BMPER: variants seen among roughly 807,000 people sequenced by gnomAD.
The protein encoded by BMPER is BMP binding endothelial regulator, also known as BMP-binding endothelial regulator protein.
Under a neutral mutation model 87.3 loss-of-function variants are expected in BMPER, and 45 were observed. That is an observed-to-expected ratio of 0.52 (90% CI 0.41 to 0.66). The LOEUF is 0.66. Among genes scored for constraint, BMPER ranks in the 30% least tolerant of loss-of-function variants. The pLI, the probability that BMPER is intolerant of heterozygous loss-of-function variation, is 0.00. For synonymous variants in BMPER, 326 were observed against 316.2 expected (o/e 1.03, Z -0.33); for missense variants, 784 against 867.5 (o/e 0.90, Z 1.21).
chr7:34,047,974 A>G (rs1446717019), intron 7 of BMPER, among the ~76,000 whole-genome samples: 1 of 151,740 alleles, frequency 6.6e-6, no homozygotes, highest in Non-Finnish European at 1.5e-5. Flanking sequence ...ATATTGAACA[A>G]AATAAAATGG....
At chr7:33,955,555 G>A (rs1378670982) in intron 3 of BMPER, among the ~76,000 whole-genome samples, 1 of 152,144 alleles carries the variant, frequency 6.6e-6, no homozygotes, top group Non-Finnish European at 1.5e-5. Context: ...GTGGAAAAAC[G>A]CTTCCCAAAA....
intron 13 of BMPER, among the ~76,000 whole-genome samples, chr7:34,096,993 C>T (rs1014375793): frequency 6.6e-6 from 1 of 152,226 alleles, no homozygotes; most frequent in African/African-American, 2.4e-5. Flanking sequence ...CTCTAGCTCA[C>T]AGAGCTTGCA....
intron 2 of BMPER, among the ~76,000 whole-genome samples, chr7:33,921,246 A>G (rs763697954): frequency 1.3e-5 from 2 of 152,198 alleles, no homozygotes; most frequent in Non-Finnish European, 2.9e-5. Context: ...TTTAATCTTA[A>G]TAGCTATTTT....
chr7:33,905,530 G>A (rs1291546729), upstream of BMPER: 4 of 1,557,996 alleles, frequency 2.6e-6, no homozygotes, highest in East Asian at 2.3e-5. Flanking sequence ...CCGGCTGAGA[G>A]CCCTTTTCGA....
chr7:34,024,373 A>AC lies in BMPER; in HGVS notation c.577-21933_577-21932insC, dbSNP rs1197109642. 1.2e-4 allele frequency among the ~76,000 whole-genome samples: 12 copies of AC among 98,878 alleles called. 1 individual carries two copies. The highest frequency in any genetic ancestry group is 5.2e-4 in the African/African-American group (11 of 21,234). The allele number at this position is 98,878 out of a possible 152,430, so 64.9% of individuals were successfully genotyped here. A position where few individuals can be genotyped will look rare whatever the true frequency, so the allele number is the denominator to read the frequency against. Reference sequence around the variant, plus strand: ...ACTCTGTCTCAAAAAAAAAAAAAAAAAAAAAAAAACAATATATATATATAT... The same window carrying AC: ...ACTCTGTCTCAAAAAAAAAAAAAAAACAAAAAAAAACAATATATATATATAT... On this transcript the variant is annotated intron_variant, in intron 6 of 14. Coordinates refer to ENST00000649409, the MANE Select transcript of BMPER (RefSeq NM_001365308.1).
intron 2 of BMPER, among the ~76,000 whole-genome samples, chr7:33,909,111 T>C (rs1224754124): frequency 6.6e-6 from 1 of 152,224 alleles, no homozygotes; most frequent in Non-Finnish European, 1.5e-5. Context: ...ATTTTATTTT[T>C]GCTTGTAGGG....
At chr7:33,937,537 T>TGTGTGTGTGTGC in intron 3 of BMPER, 149 bp downstream of exon 3, 1 of 704,650 alleles carries the variant, frequency 1.4e-6, no homozygotes, top group Non-Finnish European at 2.4e-6. Context: ...TGTGTGTGTG[T>TGTGTGTGTGTGC]ATGTGTGTGT....
chr7:34,131,127 A>AGGCCTGTGGTGTTTATGATTT (rs1431706512), intron 13 of BMPER, among the ~76,000 whole-genome samples: 2 of 152,008 alleles, frequency 1.3e-5, no homozygotes, highest in East Asian at 3.9e-4. Flanking sequence ...ATGGAGGGGA[A>AGGCCTGTGGTGTTTATGATTT]GGCCTGTGGT....
chr7:33,916,594 T>C (rs1035463695), intron 2 of BMPER, among the ~76,000 whole-genome samples: 1 of 152,252 alleles, frequency 6.6e-6, no homozygotes, highest in African/African-American at 2.4e-5. Flanking sequence ...TGCACATTCA[T>C]ACAGCCTTCT....
At chr7:34,129,618 G>GAGAGAGAGAGAGAGAA (rs1790511571) in intron 13 of BMPER, among the ~76,000 whole-genome samples, 1 of 52,420 alleles carries the variant, frequency 1.9e-5, no homozygotes, top group African/African-American at 7.8e-5. Flanking sequence ...GAAAGAGAGA[G>GAGAGAGAGAGAGAGAA]AGAGAGAAAG....
chr7:34,031,552 C>A (rs1328872128), intron 6 of BMPER, among the ~76,000 whole-genome samples: 2 of 151,856 alleles, frequency 1.3e-5, no homozygotes, highest in Non-Finnish European at 2.9e-5. Flanking sequence ...CACAAATGTT[C>A]TCCTAACTTT....
rs563285332 is a variant in BMPER, at chr7:33,953,089, C to G, written c.320-13390C>G. Among the ~76,000 whole-genome samples, 12 of 152,306 alleles carry G rather than the reference C, an allele frequency of 7.9e-5. No homozygotes were observed. In the South Asian group the frequency reaches 8.3e-4, roughly 11 times the overall value. ...ACACATGAGGCAGTCCTCTGACTGT[C>G]GGAGAGTGTCCAGGCATTCTCCGAA... On this transcript the variant is annotated intron_variant, in intron 3 of 14. Coordinates refer to ENST00000649409, the MANE Select transcript of BMPER (RefSeq NM_001365308.1).
Position 34,024,384 on chromosome 7 carries a change from A to T in BMPER, c.577-21922A>T, listed in dbSNP as rs28459439. ...AAAAAAAAAAAAAAAAAAAAAAAAC[A>T]ATATATATATATATATATATATATA... is the stretch of plus-strand genomic sequence containing the variant. On this transcript the variant is annotated intron_variant, in intron 6 of 14. Transcript: ENST00000649409. Among the ~76,000 whole-genome samples the T allele has an allele frequency of 3.2e-3, 74 of 23,430 alleles. 4 individuals carry two copies. Among genetic ancestry groups the T allele is most frequent in the African/African-American group, 0.015 (69 of 4,734 alleles). The allele number at this position is 23,430 out of a possible 152,430, so 15.4% of individuals were successfully genotyped here. A position where few individuals can be genotyped will look rare whatever the true frequency, so the allele number is the denominator to read the frequency against.
intron 13 of BMPER, among the ~76,000 whole-genome samples, chr7:34,129,395 C>G (rs6972738): frequency 0.82 from 124,822 of 151,466 alleles, 51,650 homozygotes; most frequent in East Asian, 0.95. Context: ...CCAGCTACCT[C>G]GAGGCTGAGG....
In BMPER at chr7:33,958,918, T is replaced by G. The variant is rs562554813; in HGVS notation, c.320-7561T>G. 3.9e-5 allele frequency among the ~76,000 whole-genome samples: 6 copies of G among 152,202 alleles called. No individual in the cohort carries two copies. In the South Asian group the frequency reaches 1.2e-3, roughly 32 times the overall value. On this transcript the variant is annotated intron_variant, in intron 3 of 14. Transcript: ENST00000649409. ...GGGCCAGGTGGAGATAATTGAATGG[T>G]GGGGGCAGTTTCCCTCATACTGTTC...
intron 13 of BMPER, among the ~76,000 whole-genome samples, chr7:34,095,194 C>T (rs184270084): frequency 2.0e-5 from 3 of 152,134 alleles, no homozygotes; most frequent in Non-Finnish European, 2.9e-5. Context: ...ATAATCAACT[C>T]GCCCTCAGTG....
Position 34,155,098 on chromosome 7 carries a change from A to C in BMPER, c.*1825A>C, listed in dbSNP as rs1384592457. 1 of 152,204 alleles carries C rather than the reference A, an allele frequency of 6.6e-6. No individual in the cohort carries two copies. The highest frequency in any genetic ancestry group is 1.5e-5 in the Non-Finnish European group (1 of 68,038). 9.4% of individuals were successfully genotyped at this position (152,204 alleles called of 1,614,324 possible). ...ACTAGACCCCTGCCACTAACAGGCT[A>C]GGAGACTTTGGGCAGTAATGGGAGG... is the stretch of plus-strand genomic sequence containing the variant. On this transcript the variant is annotated 3_prime_UTR_variant, in exon 15 of 15. Transcript: ENST00000649409.
intron 6 of BMPER, among the ~76,000 whole-genome samples, chr7:33,988,804 C>T (rs1408590130): frequency 8.1e-6 from 1 of 123,686 alleles, no homozygotes; most frequent in Non-Finnish European, 1.6e-5. Context: ...TGTGATATTC[C>T]CCTTTCTGTG....
chr7:34,024,370 AAAAAAAAAAAAAC>A (rs1787283848), intron 6 of BMPER, among the ~76,000 whole-genome samples: 1 of 101,738 alleles, frequency 9.8e-6, no homozygotes, highest in African/African-American at 4.8e-5. Context: ...AAAAAAAAAA[AAAAAAAAAAAAAC>A]AATATATATA....
Sources: allele counts gnomAD v4.1 joint callset (sites outside exome capture counted in the v4.1 genomes callset), GRCh38; gene constraint gnomAD v4.1.1; transcripts MANE v1.5; gene names NCBI Gene and HGNC (gene_info 2026-07-23, HGNC 2026-07-21).